Variants in PACRG observed in about 807,000 individuals in gnomAD.
PACRG encodes the protein parkin coregulated.
A neutral mutation model predicts 29.7 loss-of-function variants in PACRG; 29 were observed. The observed-to-expected ratio is 0.98, with a 90% CI of 0.73 to 1.33. PACRG has a LOEUF of 1.33. Among genes scored for constraint, PACRG ranks in the 40% most tolerant of loss-of-function variants. The pLI is 0.00. For missense variants in PACRG, 279 were observed against 316.2 expected (o/e 0.88, Z 0.89); for synonymous variants, 116 against 118.7 (o/e 0.98, Z 0.15).
At chr6:163,246,147 A>G (rs1354389128) in intron 4 of PACRG, among the ~76,000 whole-genome samples, 1 of 152,204 alleles carries the variant, frequency 6.6e-6, no homozygotes, top group Non-Finnish European at 1.5e-5. Flanking sequence ...ATGATATTCC[A>G]TGACGCTTAG....
intron 1 of PACRG, among the ~76,000 whole-genome samples, chr6:162,779,920 A>G (rs1277166293): frequency 6.6e-6 from 1 of 152,184 alleles, no homozygotes; most frequent in African/African-American, 2.4e-5. Flanking sequence ...AATTGCCTCA[A>G]CTTACTGCCT....
chr6:163,084,233 A>G (rs1243595959), intron 3 of PACRG, among the ~76,000 whole-genome samples: 2 of 152,228 alleles, frequency 1.3e-5, no homozygotes, highest in East Asian at 3.8e-4. Flanking sequence ...TTTCAGGCCC[A>G]TCAACAAAAG....
intron 2 of PACRG, among the ~76,000 whole-genome samples, chr6:163,002,146 G>C (rs768514665): frequency 6.6e-6 from 1 of 152,170 alleles, no homozygotes; most frequent in African/African-American, 2.4e-5. Flanking sequence ...AGAATCTTAA[G>C]AACTTCTCAT....
chr6:163,177,111 A>G (rs1779397588), intron 4 of PACRG, among the ~76,000 whole-genome samples: 1 of 152,226 alleles, frequency 6.6e-6, no homozygotes, highest in Non-Finnish European at 1.5e-5. Context: ...TAAGAGGAAA[A>G]TAAAATGCTT....
chr6:163,139,029 C>G (rs543414476), intron 4 of PACRG, among the ~76,000 whole-genome samples: 47 of 152,348 alleles, frequency 3.1e-4, no homozygotes, highest in African/African-American at 1.0e-3. Flanking sequence ...TTTCCTGTGG[C>G]TGCTGTAACA....
chr6:163,069,146 C>T (rs1811814434), intron 3 of PACRG, among the ~76,000 whole-genome samples: 2 of 151,896 alleles, frequency 1.3e-5, no homozygotes, highest in South Asian at 4.1e-4. Flanking sequence ...GACAACAATA[C>T]CCAAGTCCTT....
intron 1 of PACRG, among the ~76,000 whole-genome samples, chr6:162,743,557 A>C (rs779328172): frequency 6.6e-6 from 1 of 152,060 alleles, no homozygotes; most frequent in Non-Finnish European, 1.5e-5. Context: ...TTTGTATGCT[A>C]TCTCTCGAAC....
At chr6:162,733,428 C>G (rs1301200009) in intron 1 of PACRG, among the ~76,000 whole-genome samples, 1 of 152,026 alleles carries the variant, frequency 6.6e-6, no homozygotes, top group Non-Finnish European at 1.5e-5. Context: ...CAATTCTACC[C>G]TTTCTTCTTA....
At chr6:163,280,730 G>A (rs2128183646) in intron 4 of PACRG, among the ~76,000 whole-genome samples, 1 of 152,266 alleles carries the variant, frequency 6.6e-6, no homozygotes, top group South Asian at 2.1e-4. Flanking sequence ...CTGGATGCAT[G>A]TGCACAGGGA....
intron 2 of PACRG, among the ~76,000 whole-genome samples, chr6:162,934,249 C>T (rs369280792): frequency 2.7e-5 from 4 of 148,940 alleles, no homozygotes; most frequent in African/African-American, 7.6e-5. Flanking sequence ...GCCAACACAG[C>T]GAGACTGTCT....
chr6:163,064,393 A>G lies in PACRG; in HGVS notation c.463+2072A>G, dbSNP rs975618869. On this transcript the variant is annotated intron_variant, in intron 3 of 4. Transcript: ENST00000366888. ...TGAGCGAAAACGTTATCAAGAACTC[A>G]GTAAACATGATTTGTCAGGGAAAAT... is the stretch of plus-strand genomic sequence containing the variant. Among the ~76,000 whole-genome samples the G allele has an allele frequency of 1.2e-4, 19 of 152,270 alleles. 1 individual carries two copies. Among genetic ancestry groups the G allele is most frequent in the Non-Finnish European group, 2.5e-4 (17 of 68,042 alleles).
At chr6:162,750,927 C>G (rs1044534777) in intron 1 of PACRG, among the ~76,000 whole-genome samples, 1 of 152,110 alleles carries the variant, frequency 6.6e-6, no homozygotes, top group African/African-American at 2.4e-5. Flanking sequence ...CACTAGTGGT[C>G]GTGAGTTACG....
intron 4 of PACRG, among the ~76,000 whole-genome samples, chr6:163,232,000 G>T (rs1782062941): frequency 6.6e-6 from 1 of 152,226 alleles, no homozygotes; most frequent in Non-Finnish European, 1.5e-5. Context: ...TGTTGAAATG[G>T]ACAGATAATT....
rs866410345 is a variant in PACRG, at chr6:163,269,841, G to A, written c.614-44986G>A. On this transcript the variant is annotated intron_variant, in intron 4 of 4. Transcript: ENST00000366888. ...GGAAGGAGAAAGAAAGAAAGAAAAA[G>A]AAAGAAAGAAAGAAAGAGAAAGAAA... 3.1e-5 allele frequency among the ~76,000 whole-genome samples: 2 copies of A among 65,296 alleles called. 1 individual carries two copies. Among genetic ancestry groups the A allele is most frequent in the African/African-American group, 1.6e-4 (2 of 12,768 alleles). 42.8% of individuals were successfully genotyped at this position (65,296 alleles called of 152,430 possible).
At chr6:163,288,778 C>A (rs10945886) in intron 4 of PACRG, among the ~76,000 whole-genome samples, 22,607 of 152,126 alleles carry the variant, frequency 0.15, 2,010 homozygotes, top group Non-Finnish European at 0.2. Flanking sequence ...TATACAGGGA[C>A]CATAAATTAG....
At chr6:163,276,067 C>T (rs1487739338) in intron 4 of PACRG, among the ~76,000 whole-genome samples, 1 of 147,466 alleles carries the variant, frequency 6.8e-6, no homozygotes, top group Non-Finnish European at 1.5e-5. Context: ...CACTTTATCA[C>T]CCAAGCTGGA....
intron 4 of PACRG, among the ~76,000 whole-genome samples, chr6:163,215,732 C>A (rs577873057): frequency 3.9e-5 from 6 of 152,142 alleles, no homozygotes; most frequent in Non-Finnish European, 7.4e-5. Context: ...CCTGGTGGAA[C>A]CCTGGAAACC....
chr6:163,229,299 T>G (rs1179883324), intron 4 of PACRG, among the ~76,000 whole-genome samples: 1 of 152,078 alleles, frequency 6.6e-6, no homozygotes, highest in East Asian at 1.9e-4. Context: ...CAGTGAGCAA[T>G]AATCGTGCCA....
At chr6:162,955,178 A>G (rs757286509) in intron 2 of PACRG, among the ~76,000 whole-genome samples, 13 of 152,224 alleles carry the variant, frequency 8.5e-5, no homozygotes, top group Non-Finnish European at 2.9e-5. Context: ...AAGAAAAAGC[A>G]AAAGGGGAGA....
Sources: gnomAD v4.1 joint callset for allele counts (sites outside exome capture counted in the v4.1 genomes callset) on GRCh38, gnomAD v4.1.1 for gene constraint, MANE v1.5 for transcripts, NCBI Gene and HGNC (gene_info 2026-07-23, HGNC 2026-07-21) for gene names.